TMEM132B: variants seen among roughly 807,000 people sequenced by gnomAD.
TMEM132B encodes the protein transmembrane protein 132B.
A neutral mutation model predicts 90.8 loss-of-function variants in TMEM132B; 18 were observed. The observed-to-expected ratio is 0.20, with a 90% CI of 0.14 to 0.29. The LOEUF (loss-of-function observed/expected upper bound fraction) is 0.29, where lower values mean the gene tolerates loss of function less well. TMEM132B is among the 10% of genes least tolerant of loss of function. The pLI is 1.00. For missense variants in TMEM132B, 1,096 were observed against 1,326.8 expected, an observed-to-expected ratio of 0.83 and a Z score of 2.70; for synonymous variants, 504 against 523.3, an observed-to-expected ratio of 0.96 and a Z score of 0.50.
intron 6 of TMEM132B, among the ~76,000 whole-genome samples, chr12:125,650,090 A>G (rs10773185): frequency 0.55 from 83,027 of 151,792 alleles, 24,035 homozygotes; most frequent in African/African-American, 0.75. Flanking sequence ...AGACTCAAGG[A>G]CCTCAGCTGA....
At chr12:125,392,261 G>C (rs1477354794) in intron 2 of TMEM132B, among the ~76,000 whole-genome samples, 4 of 152,228 alleles carry the variant, frequency 2.6e-5, no homozygotes, top group Non-Finnish European at 4.4e-5. Flanking sequence ...TTACCTGAAG[G>C]CTGGAAGCTA....
intron 1 of TMEM132B, among the ~76,000 whole-genome samples, chr12:125,226,310 C>T (rs774341894): frequency 1.3e-4 from 20 of 152,202 alleles, no homozygotes; most frequent in Non-Finnish European, 2.6e-4. Flanking sequence ...TACTTACCCT[C>T]TTTGTTAAGG....
At chr12:125,507,121 G>A (rs374087518) in intron 3 of TMEM132B, among the ~76,000 whole-genome samples, 62 of 152,318 alleles carry the variant, frequency 4.1e-4, no homozygotes, top group South Asian at 3.5e-3. Flanking sequence ...CTAGACCTAG[G>A]CAGGGTTGGA....
chr12:125,297,344 C>A (rs577704527), intron 1 of TMEM132B, among the ~76,000 whole-genome samples: 1 of 152,334 alleles, frequency 6.6e-6, no homozygotes, highest in East Asian at 1.9e-4. Context: ...GTGGATGGGC[C>A]TCTGAGCATT....
At chr12:125,401,057 A>G (rs987194897) in intron 2 of TMEM132B, among the ~76,000 whole-genome samples, 18 of 152,244 alleles carry the variant, frequency 1.2e-4, no homozygotes, top group African/African-American at 4.3e-4. Context: ...GATATGCTTG[A>G]AAGTTTGAGA....
At chr12:125,268,902 C>G (rs1446143328) in intron 1 of TMEM132B, among the ~76,000 whole-genome samples, 3 of 152,224 alleles carry the variant, frequency 2.0e-5, no homozygotes, top group Non-Finnish European at 4.4e-5. Flanking sequence ...CTGTTTGTGT[C>G]TCCCAGCACC....
chr12:125,193,156 C>T (rs967252631), intron 1 of TMEM132B, among the ~76,000 whole-genome samples: 15 of 152,162 alleles, frequency 9.9e-5, no homozygotes, highest in East Asian at 5.8e-4. Flanking sequence ...AACCATCAGC[C>T]GTCTGCCAAG....
At chr12:125,566,531 C>A (rs1431818039) in intron 4 of TMEM132B, among the ~76,000 whole-genome samples, 1 of 152,222 alleles carries the variant, frequency 6.6e-6, no homozygotes, top group Non-Finnish European at 1.5e-5. Context: ...CACCAGGAAG[C>A]CTCAGTGGAC....
At chr12:125,231,389 T>C (rs1873818618) in intron 1 of TMEM132B, among the ~76,000 whole-genome samples, 1 of 152,188 alleles carries the variant, frequency 6.6e-6, no homozygotes, top group African/African-American at 2.4e-5. Flanking sequence ...GGGCCACTGT[T>C]CAACCTACTG....
intron 3 of TMEM132B, among the ~76,000 whole-genome samples, chr12:125,487,475 A>G (rs895735453): frequency 6.6e-6 from 1 of 152,222 alleles, no homozygotes; most frequent in Non-Finnish European, 1.5e-5. Flanking sequence ...GTAGCTACAA[A>G]CAAGTCCAAG....
intron 5 of TMEM132B, among the ~76,000 whole-genome samples, chr12:125,627,117 A>G (rs1886251733): frequency 6.6e-6 from 1 of 152,056 alleles, no homozygotes; most frequent in East Asian, 1.9e-4. Context: ...GCTACTATGC[A>G]TTTTTATTTC....
At chr12:125,482,910 C>G (rs1212124449) in intron 3 of TMEM132B, among the ~76,000 whole-genome samples, 1 of 152,110 alleles carries the variant, frequency 6.6e-6, no homozygotes, top group African/African-American at 2.4e-5. Context: ...GAATACTATG[C>G]AGCCATAAAA....
intron 4 of TMEM132B, among the ~76,000 whole-genome samples, chr12:125,537,947 C>A (rs932271971): frequency 1.3e-5 from 2 of 152,080 alleles, no homozygotes; most frequent in African/African-American, 4.8e-5. Context: ...TCCACACACT[C>A]ATCCACCACC....
intron 3 of TMEM132B, among the ~76,000 whole-genome samples, chr12:125,487,855 C>T (rs557379710): frequency 6.6e-6 from 1 of 152,316 alleles, no homozygotes; most frequent in East Asian, 1.9e-4. Flanking sequence ...GCCAGTCTCA[C>T]ATTCTCCTCT....
At chr12:125,444,152 A>T (rs1880944366) in intron 3 of TMEM132B, among the ~76,000 whole-genome samples, 2 of 152,242 alleles carry the variant, frequency 1.3e-5, no homozygotes, top group African/African-American at 4.8e-5. Flanking sequence ...TATTGGCACG[A>T]CATCTCACTT....
At chr12:125,317,034 G>A (rs1876299630) in intron 1 of TMEM132B, among the ~76,000 whole-genome samples, 1 of 152,182 alleles carries the variant, frequency 6.6e-6, no homozygotes, top group African/African-American at 2.4e-5. Flanking sequence ...GCTGGAAGCA[G>A]AATGGGGGGC....
intron 2 of TMEM132B, among the ~76,000 whole-genome samples, chr12:125,382,872 A>G (rs926022092): frequency 1.3e-5 from 2 of 152,156 alleles, no homozygotes; most frequent in African/African-American, 4.8e-5. Context: ...ATGGCTTTCC[A>G]TTCTTGGTCA....
At chr12:125,570,535 GA>G (rs1884766272) in intron 4 of TMEM132B, among the ~76,000 whole-genome samples, 1 of 152,200 alleles carries the variant, frequency 6.6e-6, no homozygotes, top group Admixed American at 6.5e-5. Context: ...CTCTGTCTCT[GA>G]GTGCTATCCT....
intron 3 of TMEM132B, among the ~76,000 whole-genome samples, chr12:125,468,427 G>C (rs767817435): frequency 2.6e-5 from 4 of 152,206 alleles, no homozygotes; most frequent in Non-Finnish European, 4.4e-5. Context: ...TAATGGTAAG[G>C]GAAATAATGT....
Sources: gnomAD v4.1 joint callset for allele counts (sites outside exome capture counted in the v4.1 genomes callset) on GRCh38, gnomAD v4.1.1 for gene constraint, MANE v1.5 for transcripts, NCBI Gene and HGNC (gene_info 2026-07-23, HGNC 2026-07-21) for gene names.